Variants in MAGI1 observed in about 807,000 individuals in gnomAD.
The protein encoded by MAGI1 is membrane associated guanylate kinase, WW and PDZ domain containing 1.
A neutral mutation model predicts 139.9 loss-of-function variants in MAGI1; 58 were observed. The observed-to-expected ratio is 0.41, with a 90% confidence interval of 0.34 to 0.52. The LOEUF (loss-of-function observed/expected upper bound fraction) is 0.52, where lower values mean the gene tolerates loss of function less well. MAGI1 is among the 20% of genes least tolerant of loss of function. The pLI is 0.12. For synonymous variants in MAGI1, 812 were observed against 737.9 expected, an observed-to-expected ratio of 1.10 and a Z score of -1.63; for missense variants, 1,874 against 1,901.6, an observed-to-expected ratio of 0.99 and a Z score of 0.27.
chr3:65,832,925 G>C (rs919048077), intron 1 of MAGI1, among the ~76,000 whole-genome samples: 2 of 152,156 alleles, frequency 1.3e-5, no homozygotes, highest in South Asian at 4.1e-4. Flanking sequence ...CTGTATCAAG[G>C]AAGCAGATTA....
At chr3:65,423,731 T>C (rs1018320874) in intron 12 of MAGI1, among the ~76,000 whole-genome samples, 24 of 152,186 alleles carry the variant, frequency 1.6e-4, no homozygotes, top group African/African-American at 5.8e-4. Context: ...AGAAACTCCC[T>C]GGGCCTCAGC....
intron 1 of MAGI1, among the ~76,000 whole-genome samples, chr3:65,625,350 G>C (rs1396167548): frequency 1.3e-5 from 2 of 152,180 alleles, no homozygotes; most frequent in Non-Finnish European, 2.9e-5. Context: ...CTATGTGTGA[G>C]TCAATGTTCA....
chr3:65,359,746 G>A, intron 22 of MAGI1: 2 of 985,584 alleles, frequency 2.0e-6, no homozygotes, highest in East Asian at 1.1e-4. Flanking sequence ...GGAAAACCAT[G>A]TATTTAAATG....
chr3:65,925,596 C>T (rs1014389439), intron 1 of MAGI1, among the ~76,000 whole-genome samples: 14 of 152,128 alleles, frequency 9.2e-5, no homozygotes, highest in Admixed American at 8.5e-4. Context: ...ACAATTAGAA[C>T]GTTTGTTAGA....
intron 1 of MAGI1, among the ~76,000 whole-genome samples, chr3:65,798,522 G>A (rs1188735951): frequency 6.6e-6 from 1 of 152,180 alleles, no homozygotes; most frequent in Non-Finnish European, 1.5e-5. Context: ...TAGGGGTGCT[G>A]CCCTTTACCA....
chr3:65,936,901 AGTTGTTGTT>A (rs149793328), intron 1 of MAGI1, among the ~76,000 whole-genome samples: 331 of 128,878 alleles, frequency 2.6e-3, no homozygotes, highest in African/African-American at 8.4e-3. Flanking sequence ...TCAGGTTCAA[AGTTGTTGTT>A]GTTGTTGTTG....
At chr3:65,623,222 T>G (rs966300177) in intron 1 of MAGI1, among the ~76,000 whole-genome samples, 1 of 152,098 alleles carries the variant, frequency 6.6e-6, no homozygotes, top group Non-Finnish European at 1.5e-5. Context: ...CCTGTGTTGC[T>G]TTTCAAACAC....
intron 1 of MAGI1, among the ~76,000 whole-genome samples, chr3:65,692,568 C>G (rs2107570771): frequency 6.6e-6 from 1 of 152,274 alleles, no homozygotes; most frequent in Admixed American, 6.5e-5. Flanking sequence ...ATCACCATCC[C>G]CATTTTGTAG....
At chr3:65,566,714 ATATTTTTAAATG>A (rs889822108) in intron 2 of MAGI1, among the ~76,000 whole-genome samples, 21 of 152,304 alleles carry the variant, frequency 1.4e-4, no homozygotes, top group African/African-American at 5.1e-4. Flanking sequence ...AAAAGACAAT[ATATTTTTAAATG>A]TATTTTTAAA....
At chr3:65,499,934 A>T (rs141195572) in intron 2 of MAGI1, among the ~76,000 whole-genome samples, 37 of 152,318 alleles carry the variant, frequency 2.4e-4, no homozygotes, top group African/African-American at 8.9e-4. Flanking sequence ...CTGTCTTGGC[A>T]TTTTATAAAC....
chr3:65,915,307 T>C (rs1244633862), intron 1 of MAGI1, among the ~76,000 whole-genome samples: 1 of 152,182 alleles, frequency 6.6e-6, no homozygotes, highest in Non-Finnish European at 1.5e-5. Flanking sequence ...TTTTAAATAC[T>C]CAATTCAGAA....
intron 2 of MAGI1, among the ~76,000 whole-genome samples, chr3:65,551,175 C>G (rs536717673): frequency 6.6e-6 from 1 of 152,316 alleles, no homozygotes; most frequent in Non-Finnish European, 1.5e-5. Context: ...AGGGGCTCTT[C>G]TCCCTTCGCT....
At chr3:65,961,875 T>C (rs985933856) in intron 1 of MAGI1, among the ~76,000 whole-genome samples, 1 of 152,180 alleles carries the variant, frequency 6.6e-6, no homozygotes, top group Admixed American at 6.5e-5. Flanking sequence ...AATGTTCCAT[T>C]GTGCTGAGAA....
At chr3:65,359,145 T>G (rs1177234105) in intron 22 of MAGI1, 1 of 1,613,300 alleles carries the variant, frequency 6.2e-7, no homozygotes, top group Admixed American at 1.7e-5. Flanking sequence ...TATTAGGAGG[T>G]ATCATCGCTG....
chr3:65,972,800 G>A (rs904383901), intron 1 of MAGI1, among the ~76,000 whole-genome samples: 3 of 152,142 alleles, frequency 2.0e-5, no homozygotes, highest in South Asian at 4.1e-4. Context: ...ACAAAAACAT[G>A]TTTGTTTTAT....
chr3:65,486,133 T>C (rs1951617745), intron 3 of MAGI1, among the ~76,000 whole-genome samples: 2 of 152,172 alleles, frequency 1.3e-5, no homozygotes, highest in Non-Finnish European at 2.9e-5. Flanking sequence ...TATCTCTGTG[T>C]CCCCAAAAAT....
chr3:65,975,956 C>T (rs574740118), intron 1 of MAGI1, among the ~76,000 whole-genome samples: 10 of 152,254 alleles, frequency 6.6e-5, no homozygotes, highest in African/African-American at 2.4e-4. Flanking sequence ...AAACAAATAC[C>T]AGGCTGAAGT....
intron 1 of MAGI1, among the ~76,000 whole-genome samples, chr3:66,017,199 T>G (rs1009822011): frequency 6.6e-6 from 1 of 152,244 alleles, no homozygotes; most frequent in Non-Finnish European, 1.5e-5. Flanking sequence ...AAGTGCCAAG[T>G]TGCACTGCCG....
intron 3 of MAGI1, among the ~76,000 whole-genome samples, chr3:65,483,656 C>T (rs1038155410): frequency 6.6e-6 from 1 of 152,234 alleles, no homozygotes; most frequent in African/African-American, 2.4e-5. Flanking sequence ...CACACGTTTC[C>T]TGCAGTGGCT....
Sources: allele counts gnomAD v4.1 joint callset (sites outside exome capture counted in the v4.1 genomes callset), GRCh38; gene constraint gnomAD v4.1.1; transcripts MANE v1.5; gene names NCBI Gene and HGNC (gene_info 2026-07-23, HGNC 2026-07-21).